ERLIN2: variants seen among roughly 807,000 people sequenced by gnomAD.
The protein encoded by ERLIN2 is erlin-2.
In ERLIN2, 22 loss-of-function variants were observed where a neutral mutation model predicts 41.5. That is an observed-to-expected ratio of 0.53 (90% CI 0.38 to 0.76). The LOEUF (loss-of-function observed/expected upper bound fraction) is 0.76, where lower values mean the gene tolerates loss of function less well. Ranked by LOEUF, ERLIN2 falls within the 30% of genes least tolerant of loss-of-function variation. The pLI is 0.00. For synonymous variants in ERLIN2, 149 were observed against 150.9 expected (o/e 0.99, Z 0.09); for missense variants, 247 against 414.3 (o/e 0.60, Z 3.51).
At chr8:37,749,684 T>C in intron 7 of ERLIN2, 52 bp downstream of exon 7, 1 of 1,564,148 alleles carries the variant, frequency 6.4e-7, no homozygotes, top group Non-Finnish European at 8.8e-7. Context: ...CTGCTTCCCT[T>C]CTCCCAAGGG....
In ERLIN2 at chr8:37,744,665, C is replaced by T; in HGVS notation, c.393C>T (p.His131=). The change falls in exon 6 of 12, where the codon CAC becomes CAT. Residue 131 remains histidine, a synonymous_variant. Coordinates refer to ENST00000519638, the MANE Select transcript of ERLIN2 (RefSeq NM_007175.8). ...AACTGAACCAGTTCTGCAGTGTGCA[C>T]ACGCTTCAAGAGGTCTACATTGAGC... is the stretch of plus-strand genomic sequence containing the variant. The part of the protein sequence containing the change: ...HHELNQFCSV[H]TLQEVYIELF... 1 of 1,614,150 alleles carries T rather than the reference C, an allele frequency of 6.2e-7. No homozygotes were observed. The highest frequency in any genetic ancestry group is 2.2e-5 in the East Asian group (1 of 44,884).
chr8:37,745,745 G>C, intron 6 of ERLIN2: 1 of 1,521,168 alleles, frequency 6.6e-7, no homozygotes, highest in Non-Finnish European at 8.8e-7. Flanking sequence ...TTCTGCAGTA[G>C]AAAATGAATC....
rs1802808280 is a variant in ERLIN2, at chr8:37,740,383, T to C, written c.126T>C (p.Thr42=). 6.2e-7 allele frequency: 1 copy of C among 1,612,552 alleles called. No individual in the cohort carries two copies. The highest frequency in any genetic ancestry group is 1.3e-5 in the African/African-American group (1 of 74,826). ...GVYYRGGALL[T]STSGPGFHLM... is the part of the protein sequence containing the mutation. ...TCTGCAGAGGCGGTGCCCTGCTGACTTCGACCAGCGGCCCTGGTTTCCATC... is the reference window on the plus strand; with the variant it reads ...TCTGCAGAGGCGGTGCCCTGCTGACCTCGACCAGCGGCCCTGGTTTCCATC... The change falls in exon 3 of 12, where the codon ACT becomes ACC. Residue 42 remains threonine (T), a synonymous_variant. Coordinates refer to ENST00000519638, the MANE Select transcript of ERLIN2 (RefSeq NM_007175.8).
intron 5 of ERLIN2, 32 bp from the exon 6 acceptor site, chr8:37,744,539 T>C: frequency 6.2e-7 from 1 of 1,614,114 alleles, no homozygotes. Flanking sequence ...GTCTTGCCTT[T>C]TCTTATGCCA....
Position 37,744,660 on chromosome 8 carries a change from G to T in ERLIN2, c.388G>T (p.Val130Leu). ...IHHELNQFCS[V>L]HTLQEVYIEL... Reference sequence around the variant, plus strand: ...CCACGAACTGAACCAGTTCTGCAGTGTGCACACGCTTCAAGAGGTCTACAT... The same window carrying T: ...CCACGAACTGAACCAGTTCTGCAGTTTGCACACGCTTCAAGAGGTCTACAT... The change falls in exon 6 of 12, where the codon GTG becomes TTG. Residue 130 changes from valine (V) to leucine (L), a missense_variant. By Grantham distance (32) the Val-to-Leu change is conservative. Coordinates refer to ENST00000519638, the MANE Select transcript of ERLIN2 (RefSeq NM_007175.8). 6 of 1,614,158 alleles carry T rather than the reference G, an allele frequency of 3.7e-6. No individual in the cohort carries two copies. The highest frequency in any genetic ancestry group is 5.1e-6 in the Non-Finnish European group (6 of 1,180,012).
intron 9 of ERLIN2, 117 bp downstream of exon 9, chr8:37,750,603 A>G (rs1271795627): frequency 1.2e-6 from 1 of 833,206 alleles, no homozygotes; most frequent in Non-Finnish European, 2.1e-6. Context: ...CTTCCACAGC[A>G]CAGGAGTGGC....
chr8:37,746,058 G>C (rs1585909597), intron 6 of ERLIN2: 1 of 1,000,458 alleles, frequency 1.0e-6, no homozygotes, highest in Non-Finnish European at 1.2e-6. Flanking sequence ...GTGAAGTACA[G>C]CTGCTTGTAT....
At chr8:37,745,196 G>A (rs1451497911) in intron 6 of ERLIN2, 1 of 452,972 alleles carries the variant, frequency 2.2e-6, no homozygotes, top group Admixed American at 3.9e-5. Flanking sequence ...ACTGAATGGA[G>A]GGCCCCCAGG....
At chr8:37,740,078 C>T (rs1421752526) in intron 2 of ERLIN2, among the ~76,000 whole-genome samples, 1 of 152,162 alleles carries the variant, frequency 6.6e-6, no homozygotes, top group East Asian at 1.9e-4. Flanking sequence ...CCCCGCAAAG[C>T]GCTGGGACTG....
intron 10 of ERLIN2, among the ~76,000 whole-genome samples, chr8:37,752,195 T>A (rs1157457296): frequency 1.3e-5 from 2 of 152,210 alleles, no homozygotes; most frequent in Non-Finnish European, 2.9e-5. Flanking sequence ...TCAGCACCTG[T>A]CAGACAGGAG....
intron 1 of ERLIN2, chr8:37,737,536 C>G (rs1802693817): frequency 3.6e-6 from 1 of 279,522 alleles, no homozygotes; most frequent in Non-Finnish European, 7.0e-6. Flanking sequence ...TAATTTGGGC[C>G]AAAGTACTGC....
rs1803174828 is a variant in ERLIN2, at chr8:37,749,833, C to T, written c.538C>T (p.Arg180Cys). ...AAAGCCCAACATACCAGAGGCAATC[C>T]GCAGAAACTACGAGTTGATGTGAGT... Reference protein sequence around the residue: ...VTKPNIPEAIRRNYELMESEK... With the variant: ...VTKPNIPEAICRNYELMESEK... The change falls in exon 8 of 12, where the codon CGC becomes TGC. Residue 180 changes from arginine to cysteine, a missense_variant. Arg to Cys is a radical substitution (Grantham distance 180). Around this residue, in one of 3 missense-constraint regions of ERLIN2, gnomAD observed 153 missense variants for 256.4 expected, o/e 0.60. Coordinates refer to ENST00000519638, the MANE Select transcript of ERLIN2 (RefSeq NM_007175.8). 3.1e-6 allele frequency: 5 copies of T among 1,614,148 alleles called. No homozygotes were observed. Among genetic ancestry groups the T allele is most frequent in the East Asian group, 2.2e-5 (1 of 44,880 alleles).
rs1802964322 is a variant in ERLIN2, at chr8:37,744,415, A to G, written c.297A>G (p.Ala99=). The G allele has an allele frequency of 2.5e-6, 4 of 1,613,816 alleles. No individual in the cohort carries two copies. The highest frequency in any genetic ancestry group is 2.7e-5 in the African/African-American group (2 of 74,908). ...IEVVNFLVPN[A]VYDIVKNYTA... ...TGGTGAACTTCCTGGTCCCGAACGC[A>G]GGTACGTCTTAACAGTTTATTCCCA... Residue 99 remains alanine, a splice_region_variant and synonymous_variant, in exon 5 of 12, where the codon GCA becomes GCG. Transcript: ENST00000519638.
intron 9 of ERLIN2, among the ~76,000 whole-genome samples, chr8:37,751,263 A>G (rs1386746811): frequency 2.0e-5 from 3 of 152,226 alleles, no homozygotes; most frequent in Non-Finnish European, 2.9e-5. Flanking sequence ...TCTAGAAGCT[A>G]TGTTCTAAGT....
At chr8:37,752,499 T>C (rs1186782434) in intron 10 of ERLIN2, among the ~76,000 whole-genome samples, 1 of 152,174 alleles carries the variant, frequency 6.6e-6, no homozygotes, top group East Asian at 1.9e-4. Context: ...AAGCAACACG[T>C]TTTTATTTCT....
intron 9 of ERLIN2, 69 bp downstream of exon 9, chr8:37,750,555 G>A (rs543097149): frequency 1.5e-6 from 2 of 1,334,320 alleles, no homozygotes; most frequent in East Asian, 2.3e-5. Context: ...GATGCAAGGA[G>A]GCTAAGGCCT....
chr8:37,747,351 G>A, intron 6 of ERLIN2: 2 of 1,317,844 alleles, frequency 1.5e-6, no homozygotes, highest in Non-Finnish European at 1.1e-6. Flanking sequence ...TGAACTGGTT[G>A]TCAATCAAGG....
intron 10 of ERLIN2, 111 bp from the exon 11 acceptor site, chr8:37,753,339 C>T: frequency 1.2e-6 from 1 of 831,156 alleles, no homozygotes; most frequent in Admixed American, 2.0e-5. Flanking sequence ...CAGAGGCAAT[C>T]AGGGGCGAAG....
intron 11 of ERLIN2, among the ~76,000 whole-genome samples, 187 bp downstream of exon 11, chr8:37,753,716 T>C (rs1585918830): frequency 6.6e-6 from 1 of 152,186 alleles, no homozygotes; most frequent in Admixed American, 6.5e-5. Flanking sequence ...TTTAGTTTAA[T>C]TTTGTGTTAA....
Sources: gnomAD v4.1 joint callset for allele counts (sites outside exome capture counted in the v4.1 genomes callset) on GRCh38, gnomAD v4.1.1 for gene constraint, gnomAD v4.1.1 regional missense constraint, MANE v1.5 for transcripts, NCBI Gene and HGNC (gene_info 2026-07-23, HGNC 2026-07-21) for gene names.